The following SI variants were observed in gnomAD, a reference collection of about 807,000 sequenced individuals.
SI encodes sucrase-isomaltase, intestinal.
SI carries 235 observed loss-of-function variants against 253.3 expected under a neutral mutation model. That is an observed-to-expected ratio of 0.93 (90% CI 0.83 to 1.03). The LOEUF is 1.03. SI is among the 50% of genes least tolerant of loss of function. SI has a pLI of 0.00. For missense variants in SI, 2,442 were observed against 2,211.1 expected, an observed-to-expected ratio of 1.10 and a Z score of -2.09; for synonymous variants, 819 against 712.0, an observed-to-expected ratio of 1.15 and a Z score of -2.39.
At position 165,018,130 on chromosome 3, in the gene SI, T is replaced by G. The variant is rs2108176484; in HGVS notation, c.3424-64A>C. 9.2e-6 allele frequency: 9 copies of G among 973,896 alleles called. No individual in the cohort carries two copies. The South Asian group carries it at 1.2e-4, about 13-fold the overall frequency. 60.3% of individuals were successfully genotyped at this position (973,896 alleles called of 1,614,324 possible). A position where few individuals can be genotyped will look rare whatever the true frequency, so the allele number is the denominator to read the frequency against. ...CAATAGCATGTGAATTTAATCAATG[T>G]TATTTTAAAATTTATTATACAATCG... is the stretch of plus-strand genomic sequence containing the variant. On this transcript the variant is annotated intron_variant, in intron 28 of 47. Coordinates refer to ENST00000264382, the MANE Select transcript of SI (RefSeq NM_001041.4).
chr3:165,038,886 G>C (rs1049208363), intron 20 of SI, among the ~76,000 whole-genome samples, 192 bp downstream of exon 20: 15 of 151,940 alleles, frequency 9.9e-5, no homozygotes, highest in African/African-American at 3.4e-4. Context: ...TCTAGCTCAT[G>C]TGCAACAAAG....
chr3:165,057,251 T>A (rs1253145503), intron 12 of SI, among the ~76,000 whole-genome samples: 1 of 151,574 alleles, frequency 6.6e-6, no homozygotes. Flanking sequence ...GAAGAAAGAA[T>A]TAGTGAGCTT....
In SI at chr3:165,039,925, AC is replaced by A. The variant is rs779804106; in HGVS notation, c.2205del (p.Leu735PhefsTer12). The A allele has an allele frequency of 6.2e-7, 1 of 1,613,462 alleles. No individual in the cohort carries two copies. The highest frequency in any genetic ancestry group is 8.5e-7 in the Non-Finnish European group (1 of 1,179,560). ...GGAGTAATAAGTAATGCAGGGCCCC[AC>A]AAAAACTCAGTGTCCTCAATCCAGC... Reference protein sequence around the residue: ...TNSWIEDTEFLWGPALLITPV... With the variant: ...TNSWIEDTEFXWGPALLITPV... On this transcript the variant is annotated frameshift_variant, in exon 19 of 48. Coordinates refer to ENST00000264382, the MANE Select transcript of SI (RefSeq NM_001041.4). LOFTEE classifies it high-confidence loss of function.
At chr3:165,051,117 A>T (rs908961163) in intron 13 of SI, among the ~76,000 whole-genome samples, 2 of 152,068 alleles carry the variant, frequency 1.3e-5, no homozygotes, top group Non-Finnish European at 2.9e-5. Context: ...AGACATACTT[A>T]TTTAGTTTGC....
Position 165,070,041 on chromosome 3 carries a change from CA to C in SI, c.256-847del, listed in dbSNP as rs1281769827. Among the ~76,000 whole-genome samples the C allele has an allele frequency of 3.4e-5, 5 of 147,490 alleles. No homozygotes were observed. The East Asian group carries it at 9.8e-4, about 29-fold the overall frequency. ...TTTTATCCTCAAATTAAAATGGTAT[CA>C]GATACAGACACACACACACACGTAT... On this transcript the variant is annotated intron_variant, in intron 3 of 47. Coordinates refer to ENST00000264382, the MANE Select transcript of SI (RefSeq NM_001041.4).
chr3:165,009,524 T>C (rs186632112), intron 34 of SI, 129 bp from the exon 35 acceptor site: 3 of 671,598 alleles, frequency 4.5e-6, no homozygotes, highest in Admixed American at 2.2e-5. Context: ...ACATCAATCT[T>C]AATTACATAA....
At chr3:165,067,612 A>T (rs1714315473) in intron 5 of SI, 121 bp from the exon 6 acceptor site, 1 of 868,006 alleles carries the variant, frequency 1.2e-6, no homozygotes, top group African/African-American at 1.7e-5. Flanking sequence ...TTCATAGAAG[A>T]GTATTAATTC....
the SI span, among the ~76,000 whole-genome samples, chr3:165,089,959 T>C: frequency 1.3e-5 from 2 of 151,774 alleles, no homozygotes; most frequent in African/African-American, 2.4e-5. Flanking sequence ...GCAAGAAACA[T>C]AGGACAGAGC....
At chr3:165,039,632 G>GT (rs369705427) in intron 19 of SI, among the ~76,000 whole-genome samples, 442 of 147,764 alleles carry the variant, frequency 3.0e-3, no homozygotes, top group African/African-American at 8.0e-3. Context: ...TGATAATACA[G>GT]TTTTTTTTTT....
At chr3:164,997,504 T>C (rs975002010) in intron 38 of SI, among the ~76,000 whole-genome samples, 1 of 151,608 alleles carries the variant, frequency 6.6e-6, no homozygotes, top group African/African-American at 2.4e-5. Flanking sequence ...CTTTTAAATT[T>C]CAGTTTCAGA....
intron 25 of SI, among the ~76,000 whole-genome samples, chr3:165,025,712 C>T (rs1249060404): frequency 6.6e-6 from 1 of 151,264 alleles, no homozygotes; most frequent in East Asian, 1.9e-4. Flanking sequence ...CAATTATCAG[C>T]CAAGACTTTT....
intron 3 of SI, 126 bp downstream of exon 3, chr3:165,074,405 A>G: frequency 1.8e-6 from 1 of 549,242 alleles, no homozygotes; most frequent in Non-Finnish European, 2.9e-6. Context: ...AGCTATAATA[A>G]AATGATAAAT....
chr3:164,998,741 A>C, intron 37 of SI, 68 bp from the exon 38 acceptor site: 1 of 1,303,844 alleles, frequency 7.7e-7, no homozygotes, highest in Non-Finnish European at 1.1e-6. Context: ...TCTACTTACG[A>C]CTACTTTGTA....
chr3:164,998,315 A>G (rs1443021264), intron 38 of SI, among the ~76,000 whole-genome samples: 2 of 151,766 alleles, frequency 1.3e-5, no homozygotes, highest in Non-Finnish European at 2.9e-5. Flanking sequence ...GCCAATAACA[A>G]TGACACCATT....
intron 6 of SI, among the ~76,000 whole-genome samples, chr3:165,066,569 A>G (rs1403957673): frequency 6.6e-6 from 1 of 151,850 alleles, no homozygotes; most frequent in Non-Finnish European, 1.5e-5. Context: ...CCTTTGACCA[A>G]CATCTCCCCC....
upstream of SI, among the ~76,000 whole-genome samples, chr3:165,082,872 T>C (rs1715383721): frequency 2.0e-5 from 3 of 151,894 alleles, no homozygotes; most frequent in Admixed American, 1.3e-4. Flanking sequence ...TAACAGGAAG[T>C]TGGAAGAGGC....
intron 34 of SI, among the ~76,000 whole-genome samples, chr3:165,012,335 A>G (rs1559988534): frequency 6.6e-6 from 1 of 152,168 alleles, no homozygotes; most frequent in Non-Finnish European, 1.5e-5. Flanking sequence ...CATTGCCCCT[A>G]TAGTTTACGA....
intron 3 of SI, among the ~76,000 whole-genome samples, chr3:165,071,742 C>G (rs948370371): frequency 6.6e-6 from 1 of 151,982 alleles, no homozygotes; most frequent in African/African-American, 2.4e-5. Flanking sequence ...CTCTTTCTCT[C>G]TGTGCACGAA....
rs553696851 is a variant in SI, at chr3:164,991,881, C to T, written c.4983+296G>A. ...CATTATTCTTAGAAAGACTGCACTA[C>T]CTTTAATGATCATTTTATATATCCA... On this transcript the variant is annotated intron_variant, in intron 43 of 47. Coordinates refer to ENST00000264382, the MANE Select transcript of SI (RefSeq NM_001041.4). Among the ~76,000 whole-genome samples the T allele has an allele frequency of 3.9e-5, 6 of 152,092 alleles. No individual in the cohort carries two copies. The South Asian group carries it at 1.2e-3, about 32-fold the overall frequency.
Sources: gnomAD v4.1 joint callset for allele counts (sites outside exome capture counted in the v4.1 genomes callset) on GRCh38, gnomAD v4.1.1 for gene constraint, MANE v1.5 for transcripts, NCBI Gene and HGNC (gene_info 2026-07-23, HGNC 2026-07-21) for gene names.